The following DCC variants were observed in gnomAD, a reference collection of about 807,000 sequenced individuals.
The protein encoded by DCC is DCC netrin 1 receptor.
In DCC, 58 loss-of-function variants were observed where a neutral mutation model predicts 172.5. The ratio of observed to expected loss-of-function variants is 0.34; its 90% CI spans 0.27 to 0.42. The LOEUF (loss-of-function observed/expected upper bound fraction) is 0.42. DCC is among the 10% of genes least tolerant of loss of function. The probability of loss-of-function intolerance (pLI) is 1.00; values close to 1 mark genes in which losing one functional copy is unlikely to be tolerated. For synonymous variants in DCC, 709 were observed against 644.5 expected, an observed-to-expected ratio of 1.10 and a Z score of -1.52; for missense variants, 1,740 against 1,791.0, an observed-to-expected ratio of 0.97 and a Z score of 0.51.
intron 5 of DCC, among the ~76,000 whole-genome samples, chr18:52,943,647 T>G (rs180723743): frequency 2.0e-5 from 3 of 152,258 alleles, no homozygotes; most frequent in Non-Finnish European, 4.4e-5. Flanking sequence ...GTTTCACATT[T>G]ATTTTTATTT....
At chr18:53,168,978 A>C (rs553157972) in intron 8 of DCC, among the ~76,000 whole-genome samples, 365 of 152,306 alleles carry the variant, frequency 2.4e-3, no homozygotes, top group African/African-American at 8.6e-3. Context: ...GATAGCAAAA[A>C]TTGAGAAGAC....
At chr18:53,206,443 A>C (rs1459122113) in intron 10 of DCC, among the ~76,000 whole-genome samples, 1 of 125,588 alleles carries the variant, frequency 8.0e-6, no homozygotes, top group Non-Finnish European at 1.6e-5. Flanking sequence ...ATATATACAT[A>C]TATGTGTATA....
chr18:53,286,784 C>T (rs549729644), intron 12 of DCC, among the ~76,000 whole-genome samples: 2 of 152,318 alleles, frequency 1.3e-5, no homozygotes, highest in East Asian at 3.9e-4. Flanking sequence ...TAGGTTCCCT[C>T]TGGAAAGTAC....
chr18:52,674,266 T>G (rs887747462), intron 1 of DCC, among the ~76,000 whole-genome samples: 1 of 152,158 alleles, frequency 6.6e-6, no homozygotes, highest in African/African-American at 2.4e-5. Context: ...AATCTTGGTA[T>G]AGCTGATGGT....
intron 1 of DCC, among the ~76,000 whole-genome samples, chr18:52,639,903 C>T (rs1017367569): frequency 5.9e-5 from 9 of 151,932 alleles, no homozygotes; most frequent in South Asian, 4.2e-4. Flanking sequence ...CAGGAAAGGG[C>T]GTAACCAAAA....
At chr18:52,576,567 C>T (rs1371860538) in intron 1 of DCC, among the ~76,000 whole-genome samples, 2 of 152,130 alleles carry the variant, frequency 1.3e-5, no homozygotes, top group Non-Finnish European at 2.9e-5. Context: ...CAGTGGCTCA[C>T]GCCTGTAATC....
chr18:52,342,808 G>T (rs1568124268), intron 1 of DCC, among the ~76,000 whole-genome samples: 2 of 152,222 alleles, frequency 1.3e-5, no homozygotes, highest in Non-Finnish European at 2.9e-5. Context: ...GTCTGGCATA[G>T]GGTGGGGGTA....
intron 5 of DCC, among the ~76,000 whole-genome samples, chr18:52,984,530 A>T (rs941363635): frequency 2.0e-5 from 3 of 152,118 alleles, no homozygotes; most frequent in Non-Finnish European, 4.4e-5. Flanking sequence ...AAGTCTTTGT[A>T]TTAGTGTAAA....
At chr18:53,169,832 T>G (rs1319249525) in intron 8 of DCC, among the ~76,000 whole-genome samples, 1 of 152,104 alleles carries the variant, frequency 6.6e-6, no homozygotes, top group Non-Finnish European at 1.5e-5. Context: ...ATCTGCCCAT[T>G]TACAGAGGGG....
Position 53,233,223 on chromosome 18 carries a change from G to A in DCC, c.1911+17626G>A, listed in dbSNP as rs569665236. On this transcript the variant is annotated intron_variant, in intron 12 of 28. Transcript: ENST00000442544. ...CCTTTCTACATGTTGACGTTCTCCC[G>A]TTCTTTACATGTGTCATCATACCAG... 5.1e-4 allele frequency among the ~76,000 whole-genome samples: 78 copies of A among 152,168 alleles called. 1 individual carries two copies. The South Asian group carries it at 6.0e-3, about 12-fold the overall frequency.
At chr18:53,160,513 C>G (rs2054819351) in intron 8 of DCC, among the ~76,000 whole-genome samples, 1 of 152,158 alleles carries the variant, frequency 6.6e-6, no homozygotes, top group African/African-American at 2.4e-5. Flanking sequence ...ACTTGCTTAG[C>G]AAAAACCAAC....
intron 9 of DCC, among the ~76,000 whole-genome samples, chr18:53,184,968 G>A (rs2055256941): frequency 6.6e-6 from 1 of 152,068 alleles, no homozygotes; most frequent in African/African-American, 2.4e-5. Context: ...TAAATATTTG[G>A]GGTGACCACT....
intron 12 of DCC, among the ~76,000 whole-genome samples, chr18:53,275,472 C>A (rs73463049): frequency 6.6e-6 from 1 of 152,092 alleles, no homozygotes; most frequent in Admixed American, 6.6e-5. Flanking sequence ...AGATAGTTCT[C>A]TTTAATTGGT....
chr18:52,774,752 T>C (rs566699014), intron 2 of DCC, among the ~76,000 whole-genome samples: 1 of 76,732 alleles, frequency 1.3e-5, no homozygotes, highest in South Asian at 5.9e-4. Context: ...CTTTGCCTGC[T>C]GGGAAAGGTT....
chr18:52,920,181 CTAAA>C (rs1422500504), intron 3 of DCC, among the ~76,000 whole-genome samples: 3 of 151,794 alleles, frequency 2.0e-5, no homozygotes, highest in African/African-American at 4.8e-5. Context: ...GGTATAACGT[CTAAA>C]TAATCATGAA....
chr18:53,499,290 C>T lies in DCC; in HGVS notation c.3899-8C>T, dbSNP rs1372048784. ...AATAATGAATGACTTTTCTTGTCTC[C>T]ACTGCAGCAGTGAGTGAAGGACCAA... On this transcript the variant is annotated splice_polypyrimidine_tract_variant and splice_region_variant and intron_variant, in intron 26 of 28. Coordinates refer to ENST00000442544, the MANE Select transcript of DCC (RefSeq NM_005215.4). The T allele has an allele frequency of 1.9e-6, 3 of 1,613,800 alleles. No individual in the cohort carries two copies. The highest frequency in any genetic ancestry group is 2.2e-5 in the South Asian group (2 of 91,074).
intron 1 of DCC, among the ~76,000 whole-genome samples, chr18:52,372,287 G>C (rs1247199659): frequency 6.6e-6 from 1 of 152,156 alleles, no homozygotes; most frequent in Non-Finnish European, 1.5e-5. Context: ...TCTGGGGATT[G>C]GTTGTGTAGT....
chr18:52,505,839 G>A (rs1479291120), intron 1 of DCC, among the ~76,000 whole-genome samples: 2 of 152,276 alleles, frequency 1.3e-5, no homozygotes, highest in South Asian at 2.1e-4. Context: ...TGTCAGAATA[G>A]CATTGTTTTT....
intron 11 of DCC, among the ~76,000 whole-genome samples, chr18:53,211,585 G>A (rs147860220): frequency 0.02 from 3,024 of 152,162 alleles, 104 homozygotes; most frequent in African/African-American, 0.068. Flanking sequence ...TTAGCTGGGC[G>A]TGGTGGCGGG....
Sources: allele counts gnomAD v4.1 joint callset (sites outside exome capture counted in the v4.1 genomes callset), GRCh38; gene constraint gnomAD v4.1.1; transcripts MANE v1.5; gene names NCBI Gene and HGNC (gene_info 2026-07-23, HGNC 2026-07-21).